TRPM7: variants seen among roughly 807,000 people sequenced by gnomAD.
TRPM7 encodes the protein LTRPC ion channel family member 7.
In TRPM7, 134 loss-of-function variants were observed where a neutral mutation model predicts 229.7. The ratio of observed to expected loss-of-function variants is 0.58; its 90% CI spans 0.51 to 0.67. The LOEUF is 0.67. Ranked by LOEUF, TRPM7 falls within the 30% of genes least tolerant of loss-of-function variation. The pLI, the probability that TRPM7 is intolerant of heterozygous loss-of-function variation, is 0.00. For synonymous variants in TRPM7, 699 were observed against 715.2 expected, an observed-to-expected ratio of 0.98 and a Z score of 0.36; for missense variants, 1,901 against 2,210.0, an observed-to-expected ratio of 0.86 and a Z score of 2.80.
At chr15:50,629,917 A>G (rs1159234765) in intron 10 of TRPM7, among the ~76,000 whole-genome samples, 1 of 128,562 alleles carries the variant, frequency 7.8e-6, no homozygotes, top group African/African-American at 3.0e-5. Context: ...GCTGTAGTGC[A>G]GTGGTGTGAT....
intron 28 of TRPM7, 89 bp from the exon 29 acceptor site, chr15:50,583,248 T>C (rs2054511873): frequency 1.2e-6 from 1 of 838,224 alleles, no homozygotes; most frequent in Non-Finnish European, 1.8e-6. Context: ...CTAGGCACAG[T>C]ATAACCTTCA....
intron 4 of TRPM7, among the ~76,000 whole-genome samples, chr15:50,645,508 T>C (rs1300689859): frequency 6.6e-6 from 1 of 152,116 alleles, no homozygotes; most frequent in African/African-American, 2.4e-5. Flanking sequence ...CTTTTTGTAT[T>C]TTTAGTAGAG....
chr15:50,679,801 C>A (rs2062203517), intron 1 of TRPM7, among the ~76,000 whole-genome samples: 1 of 151,876 alleles, frequency 6.6e-6, no homozygotes. Flanking sequence ...TCCCAAAGCA[C>A]TGGGATTACA....
chr15:50,621,423 T>C (rs932247102), intron 12 of TRPM7, among the ~76,000 whole-genome samples: 2 of 152,180 alleles, frequency 1.3e-5, no homozygotes, highest in African/African-American at 4.8e-5. Context: ...AAAAATAAAT[T>C]GTTAATAAAT....
intron 28 of TRPM7, 68 bp from the exon 29 acceptor site, chr15:50,583,227 C>A: frequency 8.9e-7 from 1 of 1,128,920 alleles, no homozygotes; most frequent in Admixed American, 2.1e-5. Context: ...ACTAACCAAA[C>A]ACAAAGTATT....
At chr15:50,575,212 G>T in intron 33 of TRPM7, 77 bp from the exon 34 acceptor site, 2 of 1,312,908 alleles carry the variant, frequency 1.5e-6, no homozygotes, top group Non-Finnish European at 2.1e-6. Context: ...AAATTAGCAG[G>T]CATCTTTGAT....
chr15:50,613,985 T>C, intron 14 of TRPM7, 138 bp downstream of exon 14: 3 of 1,339,512 alleles, frequency 2.2e-6, no homozygotes, highest in East Asian at 2.3e-5. Flanking sequence ...CGACATAATA[T>C]TTCTAATTGC....
chr15:50,564,020 A>T (rs1302409660), intron 38 of TRPM7, among the ~76,000 whole-genome samples: 1 of 151,852 alleles, frequency 6.6e-6, no homozygotes, highest in Non-Finnish European at 1.5e-5. Flanking sequence ...GACACCACAC[A>T]TGGCCAATTT....
At position 50,639,417 on chromosome 15, in the gene TRPM7, T is replaced by G. The variant is rs2061019626; in HGVS notation, c.660+7A>C. 7 of 1,568,006 alleles carry G rather than the reference T, an allele frequency of 4.5e-6. No homozygotes were observed. The highest frequency in any genetic ancestry group is 6.1e-6 in the Non-Finnish European group (7 of 1,156,156). ...CAAACATAAGAAATTTTAAAAATAA[T>G]TCTTACATCTCTCCCAACAAGATCA... On this transcript the variant is annotated splice_region_variant and intron_variant, in intron 6 of 38. Coordinates refer to ENST00000646667, the MANE Select transcript of TRPM7 (RefSeq NM_017672.6).
chr15:50,570,158 T>TTATATGTGTATA lies in TRPM7; in HGVS notation c.5309-15_5309-4dup. The TTATATGTGTATA allele has an allele frequency of 1.3e-6, 2 of 1,591,874 alleles. No individual in the cohort carries two copies. On this transcript the variant is annotated splice_region_variant and splice_polypyrimidine_tract_variant and intron_variant, in intron 36 of 38. Transcript: ENST00000646667. ...GTCAGTCAAATTTTCACCAACACCT[T>TTATATGTGTATA]TATATGTGTATATAAAAAAGACAAA...
chr15:50,642,306 T>C (rs2061126641), intron 5 of TRPM7, among the ~76,000 whole-genome samples: 1 of 152,230 alleles, frequency 6.6e-6, no homozygotes. Context: ...GTATAAGCTT[T>C]ATAGGGTATA....
At chr15:50,628,273 G>A in intron 10 of TRPM7, 24 bp from the exon 11 acceptor site, 1 of 1,506,110 alleles carries the variant, frequency 6.6e-7, no homozygotes, top group Non-Finnish European at 9.1e-7. Flanking sequence ...GAAAATAGTT[G>A]ACAGGTTCAA....
chr15:50,597,745 T>C (rs2059669880), intron 22 of TRPM7, among the ~76,000 whole-genome samples: 2 of 151,886 alleles, frequency 1.3e-5, no homozygotes, highest in Admixed American at 1.3e-4. Flanking sequence ...ACTTTGTCTC[T>C]ACTTAAAAAA....
At chr15:50,670,097 AATGAGTGCCTCTCT>A (rs1231818583) in intron 1 of TRPM7, among the ~76,000 whole-genome samples, 2 of 152,136 alleles carry the variant, frequency 1.3e-5, no homozygotes, top group African/African-American at 4.8e-5. Flanking sequence ...ATGTGTTGTG[AATGAGTGCCTCTCT>A]ATCACGGACA....
chr15:50,603,331 T>C (rs1378974200), intron 21 of TRPM7, among the ~76,000 whole-genome samples: 2 of 152,052 alleles, frequency 1.3e-5, no homozygotes, highest in Non-Finnish European at 2.9e-5. Context: ...TTTTTAATTA[T>C]TATACTTTAA....
At chr15:50,579,815 T>G (rs1202410247) in intron 30 of TRPM7, among the ~76,000 whole-genome samples, 3 of 152,228 alleles carry the variant, frequency 2.0e-5, no homozygotes, top group African/African-American at 7.2e-5. Flanking sequence ...TTATTTGTTT[T>G]GAGACTAGGT....
At chr15:50,599,465 T>A in intron 21 of TRPM7, 169 bp from the exon 22 acceptor site, 1 of 490,806 alleles carries the variant, frequency 2.0e-6, no homozygotes, top group Non-Finnish European at 3.5e-6. Context: ...CATCACTATA[T>A]AAATCTTAAC....
chr15:50,671,465 C>T (rs114927868), intron 1 of TRPM7, among the ~76,000 whole-genome samples: 4,625 of 152,088 alleles, frequency 0.03, 251 homozygotes, highest in African/African-American at 0.1. Context: ...AATGATGGAC[C>T]GCATATTTAA....
intron 38 of TRPM7, among the ~76,000 whole-genome samples, chr15:50,566,716 G>C (rs2053614602): frequency 6.6e-6 from 1 of 151,724 alleles, no homozygotes; most frequent in African/African-American, 2.4e-5. Flanking sequence ...ATAAAATAAA[G>C]ATCCGAGAAT....
Sources: gnomAD v4.1 joint callset for allele counts (sites outside exome capture counted in the v4.1 genomes callset) on GRCh38, gnomAD v4.1.1 for gene constraint, MANE v1.5 for transcripts, NCBI Gene and HGNC (gene_info 2026-07-23, HGNC 2026-07-21) for gene names.